RBFOX1: variants seen among roughly 807,000 people sequenced by gnomAD.
RBFOX1 encodes RNA binding protein fox-1 homolog 1.
A neutral mutation model predicts 57.7 loss-of-function variants in RBFOX1; 8 were observed. That is an observed-to-expected ratio of 0.14 (90% confidence interval 0.08 to 0.25). The LOEUF (loss-of-function observed/expected upper bound fraction) is 0.25. RBFOX1 is among the 10% of genes least tolerant of loss of function. RBFOX1 has a pLI of 1.00. For synonymous variants in RBFOX1, 326 were observed against 222.4 expected, an observed-to-expected ratio of 1.47 and a Z score of -4.15; for missense variants, 611 against 548.5, an observed-to-expected ratio of 1.11 and a Z score of -1.14.
At chr16:7,466,735 A>G (rs559484695) in intron 4 of RBFOX1, among the ~76,000 whole-genome samples, 3 of 152,364 alleles carry the variant, frequency 2.0e-5, no homozygotes, top group East Asian at 1.9e-4. Context: ...ATGCCCAGGT[A>G]TCCACATCAT....
Position 6,230,278 on chromosome 16 carries a change from T to C in RBFOX1, c.-126-86717T>C, listed in dbSNP as rs77497517. On this transcript the variant is annotated intron_variant, in intron 1 of 15. Transcript: ENST00000550418. ...CAATCTCGATTGGACACTTACTATA[T>C]GCTTGGTAATTCATGTGTATTAACT... Among the ~76,000 whole-genome samples the C allele has an allele frequency of 8.3e-3, 1,269 of 152,262 alleles. 21 individuals carry two copies. Among genetic ancestry groups the C allele is most frequent in the African/African-American group, 0.029 (1,190 of 41,562 alleles).
intron 1 of RBFOX1, among the ~76,000 whole-genome samples, chr16:6,105,697 T>C (rs1359069292): frequency 6.6e-6 from 1 of 151,546 alleles, no homozygotes; most frequent in African/African-American, 2.4e-5. Context: ...TATATATATA[T>C]ATATAAATTA....
chr16:7,160,502 TA>T (rs1267518676), intron 4 of RBFOX1, among the ~76,000 whole-genome samples: 1 of 152,212 alleles, frequency 6.6e-6, no homozygotes, highest in African/African-American at 2.4e-5. Context: ...TACATATAGA[TA>T]AAAACTGTTA....
rs140543261 is a variant in RBFOX1, at chr16:7,612,398, T to C, written c.676+5060T>C. 2.9e-4 allele frequency among the ~76,000 whole-genome samples: 43 copies of C among 148,908 alleles called. No individual in the cohort carries two copies. The East Asian group carries it at 8.3e-3, about 29-fold the overall frequency. On this transcript the variant is annotated intron_variant, in intron 10 of 15. Transcript: ENST00000550418. ...ACACAAATCCAGGTGAGTCATGAAG[T>C]CTTTGGCCAATGTGTATGGCCCTTC... is the stretch of plus-strand genomic sequence containing the variant.
intron 1 of RBFOX1, among the ~76,000 whole-genome samples, chr16:6,295,243 C>G (rs111841592): frequency 1.3e-5 from 2 of 151,678 alleles, no homozygotes; most frequent in Non-Finnish European, 2.9e-5. Flanking sequence ...CGTGCCTCAG[C>G]CTCCCAAGTA....
At chr16:7,526,018 G>T (rs2078623602) in intron 5 of RBFOX1, among the ~76,000 whole-genome samples, 1 of 151,978 alleles carries the variant, frequency 6.6e-6, no homozygotes, top group African/African-American at 2.4e-5. Flanking sequence ...ACAGCAAAAG[G>T]TGAGTGGTGG....
intron 1 of RBFOX1, among the ~76,000 whole-genome samples, chr16:6,248,074 C>G (rs541358443): frequency 6.6e-5 from 10 of 152,284 alleles, no homozygotes; most frequent in Non-Finnish European, 1.0e-4. Context: ...TAAAAGCAGC[C>G]TCTCTTTTTA....
intron 3 of RBFOX1, among the ~76,000 whole-genome samples, chr16:6,671,416 T>C (rs1301499722): frequency 6.6e-6 from 1 of 152,192 alleles, no homozygotes; most frequent in Admixed American, 6.5e-5. Context: ...AAGAGAAATA[T>C]TCATGTTCAT....
chr16:5,955,406 T>TAAA (rs1567188113), intron 4 of RBFOX1, among the ~76,000 whole-genome samples: 63 of 62,422 alleles, frequency 1.0e-3, no homozygotes, highest in African/African-American at 4.5e-3. Context: ...TAAAATAAAA[T>TAAA]AAAATAAAAG....
At chr16:7,538,452 G>A (rs2082074336) in intron 5 of RBFOX1, among the ~76,000 whole-genome samples, 1 of 152,048 alleles carries the variant, frequency 6.6e-6, no homozygotes. Context: ...TTATAGTGTT[G>A]CTGTTATTTT....
intron 4 of RBFOX1, among the ~76,000 whole-genome samples, chr16:5,922,338 A>G (rs1170491964): frequency 1.3e-5 from 2 of 152,220 alleles, no homozygotes; most frequent in African/African-American, 4.8e-5. Context: ...TAAAGGGGAC[A>G]AACATCTAAA....
chr16:7,666,776 A>C (rs1174718827), intron 13 of RBFOX1, among the ~76,000 whole-genome samples: 1 of 152,166 alleles, frequency 6.6e-6, no homozygotes, highest in Non-Finnish European at 1.5e-5. Flanking sequence ...GGAAAAAGAA[A>C]ATTTATTCAG....
intron 3 of RBFOX1, among the ~76,000 whole-genome samples, chr16:6,786,782 A>G (rs1286332569): frequency 6.6e-6 from 1 of 152,190 alleles, no homozygotes; most frequent in Admixed American, 6.5e-5. Context: ...ACCCAATGGA[A>G]GTGGACATGA....
chr16:5,452,390 TGA>T (rs2151568953), intron 1 of RBFOX1, among the ~76,000 whole-genome samples: 1 of 152,082 alleles, frequency 6.6e-6, no homozygotes, highest in African/African-American at 2.4e-5. Context: ...GTTACAGGGG[TGA>T]GTTACTACAC....
chr16:7,579,049 G>T (rs1331911434), intron 5 of RBFOX1, among the ~76,000 whole-genome samples: 1 of 152,218 alleles, frequency 6.6e-6, no homozygotes, highest in African/African-American at 2.4e-5. Context: ...GCATTATTCA[G>T]TATGGAAGCA....
intron 4 of RBFOX1, among the ~76,000 whole-genome samples, chr16:7,380,147 G>A (rs2097762030): frequency 6.6e-6 from 1 of 152,074 alleles, no homozygotes; most frequent in South Asian, 2.1e-4. Context: ...TGTGAGCTGT[G>A]CCTGGCCAGT....
intron 3 of RBFOX1, among the ~76,000 whole-genome samples, chr16:5,820,367 G>A (rs932358883): frequency 1.3e-5 from 2 of 152,148 alleles, no homozygotes; most frequent in African/African-American, 4.8e-5. Flanking sequence ...AAGGGGGGAG[G>A]CAGGAACAGA....
chr16:7,223,712 GAAAAAA>G lies in RBFOX1; in HGVS notation c.27+171628_27+171633del, dbSNP rs71147673. The stretch of plus-strand genomic sequence containing the variant: ...CCCACTATATGCCGTCAGTGTTTCA[GAAAAAA>G]AAAAAAAAAAAAAGAAAAAGAAATG... On this transcript the variant is annotated intron_variant, in intron 4 of 15. Transcript: ENST00000550418. 9.5e-3 allele frequency among the ~76,000 whole-genome samples: 1,237 copies of G among 130,476 alleles called. 7 individuals are homozygous for G. Among genetic ancestry groups the G allele is most frequent in the Middle Eastern group, 0.018 (4 of 222 alleles). The allele number at this position is 130,476 out of a possible 152,430, so 85.6% of individuals were successfully genotyped here. A position where few individuals can be genotyped will look rare whatever the true frequency, so the allele number is the denominator to read the frequency against.
rs990802910 is a variant in RBFOX1 at position 6,097,855 on chromosome 16, G to T, written c.-127+77863G>T. ...GGAGTGGAAGTCCCTTGGAAGTGGG[G>T]GACGTGTCTGATTTGTGCATGGCTA... On this transcript the variant is annotated intron_variant, in intron 1 of 15. Coordinates refer to ENST00000550418, the MANE Select transcript of RBFOX1 (RefSeq NM_018723.4). The surrounding 1 kb of genome is among the most constrained non-coding windows in gnomAD (Gnocchi z 5.0). 2.8e-4 allele frequency among the ~76,000 whole-genome samples: 42 copies of T among 151,962 alleles called. No homozygotes were observed. Among genetic ancestry groups the T allele is most frequent in the African/African-American group, 9.9e-4 (41 of 41,352 alleles).
Sources: gnomAD v4.1 joint callset for allele counts (sites outside exome capture counted in the v4.1 genomes callset) on GRCh38, gnomAD v4.1.1 for gene constraint, Gnocchi (gnomAD v3.1) non-coding constraint, MANE v1.5 for transcripts, NCBI Gene and HGNC (gene_info 2026-07-23, HGNC 2026-07-21) for gene names.